CD82: variants seen among roughly 807,000 people sequenced by gnomAD.
CD82 encodes the protein CD82 antigen.
In CD82, 36 loss-of-function variants were observed where a neutral mutation model predicts 37.4. The observed-to-expected ratio is 0.96, with a 90% CI of 0.74 to 1.27. The LOEUF (loss-of-function observed/expected upper bound fraction) is 1.27, where lower values mean the gene tolerates loss of function less well. CD82 is among the 50% of genes most tolerant of loss of function. The pLI, the probability that CD82 is intolerant of heterozygous loss-of-function variation, is 0.00. For synonymous variants in CD82, 158 were observed against 137.4 expected, an observed-to-expected ratio of 1.15 and a Z score of -1.05; for missense variants, 340 against 347.0, an observed-to-expected ratio of 0.98 and a Z score of 0.16.
At position 44,619,534 on chromosome 11, in the gene CD82, G is replaced by A. The variant is rs559005209; in HGVS notation, c.*408G>A. On this transcript the variant is annotated 3_prime_UTR_variant, in exon 10 of 10. Transcript: ENST00000227155. ...TCCCAGCACTTTGGGAGGCCGAGGC[G>A]GGTGGATCACGAGGTCAGGAGATCG... 5.8e-4 allele frequency: 92 copies of A among 159,188 alleles called. No homozygotes were observed. The highest frequency in any genetic ancestry group is 1.7e-3 in the Admixed American group (28 of 16,116). 9.9% of individuals were successfully genotyped at this position (159,188 alleles called of 1,614,324 possible).
chr11:44,579,194 G>A (rs1479601976), intron 1 of CD82, among the ~76,000 whole-genome samples: 1 of 151,958 alleles, frequency 6.6e-6, no homozygotes, highest in African/African-American at 2.4e-5. Flanking sequence ...GGAGGCCAAG[G>A]CTGAGAAAAA....
intron 6 of CD82, among the ~76,000 whole-genome samples, 163 bp downstream of exon 6, chr11:44,605,592 G>T (rs1417355030): frequency 6.6e-6 from 1 of 152,172 alleles, no homozygotes; most frequent in Non-Finnish European, 1.5e-5. Flanking sequence ...AAATGGGGGA[G>T]CGTTAGAAGA....
Position 44,619,192 on chromosome 11 carries a change from T to C in CD82, c.*66T>C. On this transcript the variant is annotated 3_prime_UTR_variant, in exon 10 of 10. Transcript: ENST00000227155. Reference sequence around the variant, plus strand: ...CAGGGCTCCCAGGGGTCTCCCTGGCTCCCTCCTCCAGGCCTGCCTCCCACT... The same window carrying C: ...CAGGGCTCCCAGGGGTCTCCCTGGCCCCCTCCTCCAGGCCTGCCTCCCACT... 2.3e-6 allele frequency: 3 copies of C among 1,276,710 alleles called. No individual in the cohort carries two copies. Among genetic ancestry groups the C allele is most frequent in the Admixed American group, 1.7e-5 (1 of 59,500 alleles). 79.1% of individuals were successfully genotyped at this position (1,276,710 alleles called of 1,614,324 possible). A position where few individuals can be genotyped will look rare whatever the true frequency, so the allele number is the denominator to read the frequency against.
intron 4 of CD82, among the ~76,000 whole-genome samples, chr11:44,603,066 T>C (rs955999575): frequency 2.6e-5 from 4 of 152,210 alleles, no homozygotes; most frequent in African/African-American, 4.8e-5. Flanking sequence ...AGTTTCTTTT[T>C]TCTGGGAGTA....
At chr11:44,564,597 C>A, upstream of CD82, 1 of 420,304 alleles carries the variant, frequency 2.4e-6, no homozygotes, top group Non-Finnish European at 4.8e-6. Context: ...TCTTGCAGCC[C>A]ACCTCAATTT....
chr11:44,609,708 T>C (rs1483313799), intron 6 of CD82, among the ~76,000 whole-genome samples: 1 of 152,176 alleles, frequency 6.6e-6, no homozygotes, highest in Non-Finnish European at 1.5e-5. Context: ...GAATTAGAAC[T>C]TCCTGATTCT....
At chr11:44,589,827 G>A (rs953004958) in intron 2 of CD82, among the ~76,000 whole-genome samples, 1 of 152,144 alleles carries the variant, frequency 6.6e-6, no homozygotes, top group African/African-American at 2.4e-5. Flanking sequence ...CGTGACCCTT[G>A]CTGCCTCTTC....
intron 7 of CD82, among the ~76,000 whole-genome samples, chr11:44,616,927 C>T (rs1565096276): frequency 6.6e-6 from 1 of 152,174 alleles, no homozygotes; most frequent in South Asian, 2.1e-4. Context: ...GACCTGTGCA[C>T]CCCTCAGAGG....
chr11:44,619,093 T>C lies in CD82; in HGVS notation c.771T>C (p.His257=). 6.2e-7 allele frequency: 1 copy of C among 1,613,778 alleles called. No homozygotes were observed. Among genetic ancestry groups the C allele is most frequent in the African/African-American group, 1.3e-5 (1 of 74,902 alleles). ...CCATCTGCTTGTGCCGGCACGTCCA[T>C]TCCGAAGACTACAGCAAGGTCCCCA... The part of the protein sequence containing the change: ...VLSICLCRHV[H]SEDYSKVPKY Residue 257 remains histidine (H), a synonymous_variant, in exon 10 of 10, where the codon CAT becomes CAC. Transcript: ENST00000227155.
intron 1 of CD82, among the ~76,000 whole-genome samples, chr11:44,585,883 C>T (rs1853047243): frequency 6.6e-6 from 1 of 152,236 alleles, no homozygotes. Context: ...TCTTCTCATG[C>T]ACAGTGATAT....
At chr11:44,607,727 GACAC>G (rs777905081) in intron 6 of CD82, among the ~76,000 whole-genome samples, 10 of 152,238 alleles carry the variant, frequency 6.6e-5, no homozygotes, top group Non-Finnish European at 1.3e-4. Context: ...TTCAGCCACT[GACAC>G]ACACAGCTTG....
chr11:44,580,115 C>A (rs1268152547), intron 1 of CD82, among the ~76,000 whole-genome samples: 2 of 152,226 alleles, frequency 1.3e-5, no homozygotes, highest in African/African-American at 4.8e-5. Context: ...CTCTCCTTCT[C>A]ACCTGGGCTG....
At chr11:44,607,437 G>A (rs1853413817) in intron 6 of CD82, among the ~76,000 whole-genome samples, 5 of 152,260 alleles carry the variant, frequency 3.3e-5, no homozygotes, top group Middle Eastern at 6.8e-3. Context: ...CTGTCCTATG[G>A]CACTGAGCTT....
chr11:44,594,885 G>T lies in CD82; in HGVS notation c.63+160G>T, dbSNP rs1244035669. The T allele has an allele frequency of 7.8e-6, 5 of 637,678 alleles. No homozygotes were observed. In the East Asian group the frequency reaches 1.4e-4, roughly 17 times the overall value. The allele number at this position is 637,678 out of a possible 1,614,324, so 39.5% of individuals were successfully genotyped here. On this transcript the variant is annotated intron_variant, in intron 3 of 9. Coordinates refer to ENST00000227155, the MANE Select transcript of CD82 (RefSeq NM_002231.4). Reference sequence around the variant, plus strand: ...TCTCCAACGGAACCTAGTTGGGGTGGTGAGGAGATTCCCTGCCATTCCCAG... The same window carrying T: ...TCTCCAACGGAACCTAGTTGGGGTGTTGAGGAGATTCCCTGCCATTCCCAG...
At chr11:44,615,645 C>T (rs951291773) in intron 7 of CD82, among the ~76,000 whole-genome samples, 1 of 152,184 alleles carries the variant, frequency 6.6e-6, no homozygotes. Context: ...TTATCTCAAG[C>T]TACACTGGGG....
chr11:44,604,127 C>T (rs1017562703), intron 4 of CD82, among the ~76,000 whole-genome samples: 1 of 152,202 alleles, frequency 6.6e-6, no homozygotes, highest in African/African-American at 2.4e-5. Flanking sequence ...TTGGTATCTT[C>T]ATGGCGCCCA....
At chr11:44,564,543 A>G (rs765774638), upstream of CD82, 10 of 455,570 alleles carry the variant, frequency 2.2e-5, no homozygotes, top group South Asian at 1.2e-4. Flanking sequence ...CTGGGAGGGC[A>G]GAGGGCTGGG....
chr11:44,568,924 ACCTTGG>A (rs983376715), intron 1 of CD82, among the ~76,000 whole-genome samples: 6 of 152,210 alleles, frequency 3.9e-5, no homozygotes, highest in African/African-American at 1.2e-4. Context: ...TTCTGGCTTG[ACCTTGG>A]CCTTGGCCTT....
At chr11:44,566,351 G>C (rs1852734811) in intron 1 of CD82, 1 of 152,460 alleles carries the variant, frequency 6.6e-6, no homozygotes, top group East Asian at 1.9e-4. Flanking sequence ...CTGAGCAGGA[G>C]GTTGGAAACT....
Sources: allele counts gnomAD v4.1 joint callset (sites outside exome capture counted in the v4.1 genomes callset), GRCh38; gene constraint gnomAD v4.1.1; transcripts MANE v1.5; gene names NCBI Gene and HGNC (gene_info 2026-07-23, HGNC 2026-07-21).